Variants in ARHGEF3 observed in about 807,000 individuals in gnomAD.
The protein encoded by ARHGEF3 is Rho guanine nucleotide exchange factor 3.
A neutral mutation model predicts 63.2 loss-of-function variants in ARHGEF3; 28 were observed. That is an observed-to-expected ratio of 0.44 (90% confidence interval 0.33 to 0.61). ARHGEF3 has a LOEUF of 0.61. Among genes scored for constraint, ARHGEF3 ranks in the 20% least tolerant of loss-of-function variants. ARHGEF3 has a pLI of 0.03. For synonymous variants in ARHGEF3, 266 were observed against 254.2 expected (o/e 1.05, Z -0.44); for missense variants, 533 against 659.3 (o/e 0.81, Z 2.10).
chr3:56,958,512 T>G (rs2106742777), intron 3 of ARHGEF3, among the ~76,000 whole-genome samples: 1 of 151,980 alleles, frequency 6.6e-6, no homozygotes, highest in Middle Eastern at 3.4e-3. Context: ...TATTTTTTTT[T>G]GTAGAGTAGC....
At chr3:56,789,064 G>GCTGCTGCTC (rs1207582321) in intron 1 of ARHGEF3, among the ~76,000 whole-genome samples, 3 of 148,634 alleles carry the variant, frequency 2.0e-5, no homozygotes, top group Non-Finnish European at 4.5e-5. Flanking sequence ...TGCTGCTGCT[G>GCTGCTGCTC]CTGCTAATGA....
chr3:57,066,136 C>A (rs76166179), intron 1 of ARHGEF3, among the ~76,000 whole-genome samples: 95 of 152,268 alleles, frequency 6.2e-4, no homozygotes, highest in Admixed American at 1.1e-3. Flanking sequence ...ATCTGGTCCA[C>A]CTGTAATTGC....
intron 4 of ARHGEF3, among the ~76,000 whole-genome samples, chr3:56,810,852 T>C (rs1387192897): frequency 6.6e-6 from 1 of 152,156 alleles, no homozygotes; most frequent in Admixed American, 6.5e-5. Context: ...ATCTGTAAAA[T>C]ACCCTCAAAA....
chr3:56,805,396 A>G (rs1197863654), upstream of ARHGEF3, among the ~76,000 whole-genome samples: 1 of 152,038 alleles, frequency 6.6e-6, no homozygotes, highest in Non-Finnish European at 1.5e-5. Flanking sequence ...CACCACGCCC[A>G]GCTAATTTTT....
At chr3:56,956,403 C>A (rs751446642) in intron 3 of ARHGEF3, among the ~76,000 whole-genome samples, 4 of 151,982 alleles carry the variant, frequency 2.6e-5, no homozygotes, top group African/African-American at 4.8e-5. Context: ...CAGTGCCCAG[C>A]AAATTAATGT....
At chr3:56,762,979 T>A (rs2035506390) in intron 2 of ARHGEF3, among the ~76,000 whole-genome samples, 1 of 152,120 alleles carries the variant, frequency 6.6e-6, no homozygotes, top group Non-Finnish European at 1.5e-5. Context: ...GGATGAGTAA[T>A]TTGAGTAGCA....
At chr3:56,790,627 T>G (rs1484288252) in intron 1 of ARHGEF3, among the ~76,000 whole-genome samples, 1 of 152,210 alleles carries the variant, frequency 6.6e-6, no homozygotes, top group East Asian at 1.9e-4. Context: ...TTATCTTCTC[T>G]GTATTTGCCT....
At chr3:56,982,804 C>G (rs1252119517) in intron 2 of ARHGEF3, among the ~76,000 whole-genome samples, 1 of 152,046 alleles carries the variant, frequency 6.6e-6, no homozygotes, top group African/African-American at 2.4e-5. Flanking sequence ...CTGCAGAACC[C>G]CTGGCTGTCC....
chr3:56,801,925 G>C lies in ARHGEF3; in HGVS notation c.-127C>G. On this transcript the variant is annotated 5_prime_UTR_variant, in exon 1 of 10. Transcript: ENST00000296315. Reference sequence around the variant, plus strand: ...GCGGCGACACGGAGACCGACAGCCGGCTTCTAGCCGGGCAGGACTCGACTG... The same window carrying C: ...GCGGCGACACGGAGACCGACAGCCGCCTTCTAGCCGGGCAGGACTCGACTG... The C allele has an allele frequency of 6.5e-7, 1 of 1,538,414 alleles. No homozygotes were observed.
chr3:57,003,143 C>CAGCTTATATCCCA (rs1310088061), intron 2 of ARHGEF3, among the ~76,000 whole-genome samples: 2 of 151,368 alleles, frequency 1.3e-5, no homozygotes, highest in Non-Finnish European at 2.9e-5. Context: ...CAGTGGCTCA[C>CAGCTTATATCCCA]GCTTATAATC....
At position 56,728,680 on chromosome 3, in the gene ARHGEF3, A is replaced by T. The variant is rs1578343528; in HGVS notation, c.*590T>A. Reference sequence around the variant, plus strand: ...TCAAACTTGCACTGGATGAAGTTGCAAAGTTCAGACAATGCATCCTCCTTT... The same window carrying T: ...TCAAACTTGCACTGGATGAAGTTGCTAAGTTCAGACAATGCATCCTCCTTT... On this transcript the variant is annotated 3_prime_UTR_variant, in exon 10 of 10. Transcript: ENST00000296315. The T allele has an allele frequency of 6.6e-6, 1 of 152,642 alleles. No homozygotes were observed. The highest frequency in any genetic ancestry group is 2.4e-5 in the African/African-American group (1 of 41,458). The allele number at this position is 152,642 out of a possible 1,614,324, so 9.5% of individuals were successfully genotyped here.
At chr3:56,754,740 T>C (rs993212106) in intron 3 of ARHGEF3, among the ~76,000 whole-genome samples, 1 of 152,202 alleles carries the variant, frequency 6.6e-6, no homozygotes, top group Non-Finnish European at 1.5e-5. Flanking sequence ...AATAGACACT[T>C]GGTTTCATCT....
intron 3 of ARHGEF3, among the ~76,000 whole-genome samples, chr3:56,937,052 A>G (rs1479024597): frequency 2.6e-5 from 4 of 152,224 alleles, no homozygotes; most frequent in African/African-American, 7.2e-5. Context: ...GGTCTTTTCA[A>G]AAACTGGAGG....
At chr3:56,829,071 G>A (rs1302051180) in intron 4 of ARHGEF3, among the ~76,000 whole-genome samples, 1 of 152,022 alleles carries the variant, frequency 6.6e-6, no homozygotes, top group Non-Finnish European at 1.5e-5. Context: ...GATTACAGGT[G>A]CATGCCACCA....
chr3:57,037,917 T>C (rs1704030375), intron 1 of ARHGEF3, among the ~76,000 whole-genome samples: 1 of 137,632 alleles, frequency 7.3e-6, no homozygotes, highest in Non-Finnish European at 1.6e-5. Context: ...CCATCACCCT[T>C]CAGCCTGTGG....
chr3:56,975,765 G>A (rs1303114115), intron 2 of ARHGEF3: 2 of 423,206 alleles, frequency 4.7e-6, no homozygotes, highest in African/African-American at 4.2e-5. Flanking sequence ...CACTTACTAT[G>A]TACCAGGCGC....
chr3:56,940,694 A>AC (rs1553786162), intron 3 of ARHGEF3: 1 of 148,434 alleles, frequency 6.7e-6, no homozygotes, highest in Non-Finnish European at 1.5e-5. Flanking sequence ...GGCAGCTCAC[A>AC]TTTAAAAAAA....
intron 4 of ARHGEF3, among the ~76,000 whole-genome samples, chr3:56,865,215 T>C (rs1428205841): frequency 6.6e-6 from 1 of 152,168 alleles, no homozygotes; most frequent in East Asian, 1.9e-4. Flanking sequence ...AATTTCTGGT[T>C]GTATTACAGA....
intron 2 of ARHGEF3, among the ~76,000 whole-genome samples, chr3:56,999,382 A>G (rs1163518623): frequency 1.3e-5 from 2 of 152,324 alleles, no homozygotes; most frequent in East Asian, 1.9e-4. Flanking sequence ...CTTATCTAAG[A>G]CATTTAACTT....
Sources: allele counts gnomAD v4.1 joint callset (sites outside exome capture counted in the v4.1 genomes callset), GRCh38; gene constraint gnomAD v4.1.1; transcripts MANE v1.5; gene names NCBI Gene and HGNC (gene_info 2026-07-23, HGNC 2026-07-21).